Variants in NMNAT2 observed in about 807,000 individuals in gnomAD.
The protein encoded by NMNAT2 is nicotinamide/nicotinic acid mononucleotide adenylyltransferase 2.
Under a neutral mutation model 41.6 loss-of-function variants are expected in NMNAT2, and 11 were observed. The ratio of observed to expected loss-of-function variants is 0.26; its 90% CI spans 0.17 to 0.44. The LOEUF (loss-of-function observed/expected upper bound fraction) is 0.44, where lower values mean the gene tolerates loss of function less well. Ranked by LOEUF, NMNAT2 falls within the 20% of genes least tolerant of loss-of-function variation. The pLI, the probability that NMNAT2 is intolerant of heterozygous loss-of-function variation, is 1.00. For missense variants in NMNAT2, 288 were observed against 407.7 expected (o/e 0.71, Z 2.53); for synonymous variants, 148 against 151.2 (o/e 0.98, Z 0.16).
At chr1:183,258,215 C>T (rs543337346) in intron 10 of NMNAT2, among the ~76,000 whole-genome samples, 1 of 152,280 alleles carries the variant, frequency 6.6e-6, no homozygotes, top group Admixed American at 6.5e-5. Context: ...CTGTTCTCTC[C>T]TAACACAATA....
chr1:183,341,121 G>C (rs960422572), intron 1 of NMNAT2, among the ~76,000 whole-genome samples: 4 of 152,200 alleles, frequency 2.6e-5, no homozygotes, highest in African/African-American at 9.6e-5. Context: ...GCCCACCTAA[G>C]AGTAATAGCC....
At chr1:183,394,218 T>C (rs1264600249) in intron 1 of NMNAT2, among the ~76,000 whole-genome samples, 4 of 152,188 alleles carry the variant, frequency 2.6e-5, no homozygotes, top group Admixed American at 6.5e-5. Context: ...TATTATGCAT[T>C]TGGGTATCAA....
chr1:183,292,362 C>T (rs1390920195), intron 3 of NMNAT2, among the ~76,000 whole-genome samples: 1 of 152,124 alleles, frequency 6.6e-6, no homozygotes, highest in Non-Finnish European at 1.5e-5. Context: ...CAGTGTGGGG[C>T]CCTTAGGGAG....
At chr1:183,382,638 T>C (rs1663826883) in intron 1 of NMNAT2, among the ~76,000 whole-genome samples, 1 of 152,058 alleles carries the variant, frequency 6.6e-6, no homozygotes, top group Non-Finnish European at 1.5e-5. Context: ...AAAGGAGAAA[T>C]CATCCAAAAC....
At chr1:183,298,580 G>A (rs76325239) in intron 1 of NMNAT2, among the ~76,000 whole-genome samples, 2,637 of 152,286 alleles carry the variant, frequency 0.017, 67 homozygotes, top group African/African-American at 0.059. Flanking sequence ...AATCTTAACT[G>A]AGAGTCCTTT....
At chr1:183,301,938 T>C (rs1297856199) in intron 1 of NMNAT2, among the ~76,000 whole-genome samples, 2 of 152,348 alleles carry the variant, frequency 1.3e-5, no homozygotes, top group East Asian at 1.9e-4. Context: ...CCCTTCTGAA[T>C]TGTAGTCACA....
Position 183,389,736 on chromosome 1 carries a change from AAAAGAAAG to A in NMNAT2, c.85+28439_85+28446del, listed in dbSNP as rs1186159050. On this transcript the variant is annotated intron_variant, in intron 1 of 10. Coordinates refer to ENST00000287713, the MANE Select transcript of NMNAT2 (RefSeq NM_015039.4). The stretch of plus-strand genomic sequence containing the variant: ...GGGCAACAGAGCAAGACCCTGTCAA[AAAAGAAAG>A]AAAGAAAGAAAGAAAGAAAGAAAGA... 4.4e-3 allele frequency among the ~76,000 whole-genome samples: 336 copies of A among 76,430 alleles called. 16 individuals are homozygous for A. Among genetic ancestry groups the A allele is most frequent in the Middle Eastern group, 6.8e-3 (1 of 148 alleles). The allele number at this position is 76,430 out of a possible 152,430, so 50.1% of individuals were successfully genotyped here. A position where few individuals can be genotyped will look rare whatever the true frequency, so the allele number is the denominator to read the frequency against.
At chr1:183,400,757 C>T (rs919145564) in intron 1 of NMNAT2, among the ~76,000 whole-genome samples, 2 of 152,110 alleles carry the variant, frequency 1.3e-5, no homozygotes, top group African/African-American at 4.8e-5. Context: ...AGAAATAATA[C>T]CACATATCTA....
At position 183,291,388 on chromosome 1, in the gene NMNAT2, C is replaced by T. The variant is rs563392115; in HGVS notation, c.243-1182G>A. On this transcript the variant is annotated intron_variant, in intron 3 of 10. Transcript: ENST00000287713. ...ACCCTGGCTCCCCCTAGATCCCTAG[C>T]CAGGCCCTGTGCCCTGGGAGCGCAC... 1.2e-4 allele frequency among the ~76,000 whole-genome samples: 18 copies of T among 152,308 alleles called. No homozygotes were observed. The South Asian group carries it at 3.7e-3, about 32-fold the overall frequency.
chr1:183,378,237 C>CA (rs1242749823), intron 1 of NMNAT2, among the ~76,000 whole-genome samples: 3 of 151,850 alleles, frequency 2.0e-5, no homozygotes, highest in African/African-American at 4.8e-5. Flanking sequence ...ACTAAAAATA[C>CA]AAAAAAATGA....
At chr1:183,278,055 G>A (rs146372220) in intron 8 of NMNAT2, among the ~76,000 whole-genome samples, 1 of 152,222 alleles carries the variant, frequency 6.6e-6, no homozygotes, top group African/African-American at 2.4e-5. Context: ...CCTAAGTGGT[G>A]TAAGTTTAAC....
At position 183,299,632 on chromosome 1, in the gene NMNAT2, A is replaced by G. The variant is rs145683804; in HGVS notation, c.86-5839T>C. 4.6e-3 allele frequency among the ~76,000 whole-genome samples: 699 copies of G among 151,670 alleles called. 4 individuals carry two copies. The highest frequency in any genetic ancestry group is 0.015 in the African/African-American group (631 of 41,192). On this transcript the variant is annotated intron_variant, in intron 1 of 10. Transcript: ENST00000287713. ...GGAGTTCATGACCAACATGGGCAACATAGTGAGACCTCTGTCTCTTAAAAA... is the reference window on the plus strand; with the variant it reads ...GGAGTTCATGACCAACATGGGCAACGTAGTGAGACCTCTGTCTCTTAAAAA...
Position 183,286,713 on chromosome 1 carries a change from T to G in NMNAT2, c.397A>C (p.Thr133Pro), listed in dbSNP as rs778947909. 1.2e-6 allele frequency: 2 copies of G among 1,612,064 alleles called. No individual in the cohort carries two copies. Among genetic ancestry groups the G allele is most frequent in the African/African-American group, 1.3e-5 (1 of 74,920 alleles). The stretch of plus-strand genomic sequence containing the variant: ...CTGTTCTGGTAAATGGGCTGGGGGG[T>G]CTCGTTTTGTGGCTGTCCGATCACA... ...TPVIGQPQNE[T>P]PQPIYQNSNV... Residue 133 changes from threonine (T) to proline (P), a missense_variant, in exon 5 of 11, where the codon ACC becomes CCC. Coordinates refer to ENST00000287713, the MANE Select transcript of NMNAT2 (RefSeq NM_015039.4).
intron 1 of NMNAT2, among the ~76,000 whole-genome samples, chr1:183,346,497 C>T (rs993354866): frequency 6.6e-6 from 1 of 152,178 alleles, no homozygotes; most frequent in Non-Finnish European, 1.5e-5. Flanking sequence ...TGGAGCCCCT[C>T]GTGCTGAAGT....
chr1:183,396,440 C>G (rs1338313611), intron 1 of NMNAT2, among the ~76,000 whole-genome samples: 1 of 152,112 alleles, frequency 6.6e-6, no homozygotes, highest in Non-Finnish European at 1.5e-5. Context: ...AGGAGTTGGG[C>G]GAGTGGGCTC....
intron 1 of NMNAT2, among the ~76,000 whole-genome samples, chr1:183,389,841 A>AAAGAAAGAAAGAAAGG (rs1648412279): frequency 1.4e-5 from 1 of 70,360 alleles, no homozygotes; most frequent in African/African-American, 4.8e-5. Flanking sequence ...AGAAAGAAAG[A>AAAGAAAGAAAGAAAGG]AAGGAAAAAA....
chr1:183,271,036 A>G (rs993303378), intron 8 of NMNAT2, among the ~76,000 whole-genome samples: 20 of 152,312 alleles, frequency 1.3e-4, no homozygotes, highest in Admixed American at 9.1e-4. Flanking sequence ...GATACAGCCA[A>G]TTAGAACCAG....
chr1:183,291,172 C>T (rs138147093), intron 3 of NMNAT2, among the ~76,000 whole-genome samples: 6,253 of 152,238 alleles, frequency 0.041, 351 homozygotes, highest in African/African-American at 0.13. Flanking sequence ...CCACTTCGGC[C>T]TCCCAAAGTG....
rs969255190 is a variant in NMNAT2, at chr1:183,357,292, C to G, written c.85+60891G>C. Among the ~76,000 whole-genome samples, 54 of 143,548 alleles carry G rather than the reference C, an allele frequency of 3.8e-4. No individual in the cohort carries two copies. The Admixed American group carries it at 4.0e-3, about 11-fold the overall frequency. 94.2% of individuals were successfully genotyped at this position (143,548 alleles called of 152,430 possible). On this transcript the variant is annotated intron_variant, in intron 1 of 10. Transcript: ENST00000287713. ...TCGCCCAGGCTGGAGTTCAGTGGCA[C>G]GATCTTGGCTCACTGCAAGCTCCGC...
Sources: gnomAD v4.1 joint callset for allele counts (sites outside exome capture counted in the v4.1 genomes callset) on GRCh38, gnomAD v4.1.1 for gene constraint, MANE v1.5 for transcripts, NCBI Gene and HGNC (gene_info 2026-07-23, HGNC 2026-07-21) for gene names.